Variants in RNF157 observed in about 807,000 individuals in gnomAD.
RNF157 encodes ring finger protein 157.
In RNF157, 55 loss-of-function variants were observed where a neutral mutation model predicts 88.3. The observed-to-expected ratio is 0.62, with a 90% CI of 0.50 to 0.78. The LOEUF (loss-of-function observed/expected upper bound fraction) is 0.78. Among genes scored for constraint, RNF157 ranks in the 30% least tolerant of loss-of-function variants. The pLI, the probability that RNF157 is intolerant of heterozygous loss-of-function variation, is 0.00. For synonymous variants in RNF157, 334 were observed against 341.2 expected, an observed-to-expected ratio of 0.98 and a Z score of 0.23; for missense variants, 788 against 860.8, an observed-to-expected ratio of 0.92 and a Z score of 1.06.
chr17:76,166,892 G>A, intron 5 of RNF157, 117 bp downstream of exon 5: 1 of 687,936 alleles, frequency 1.5e-6, no homozygotes, highest in East Asian at 2.5e-5. Context: ...TCACAAGGCT[G>A]AAAGGTAAGC....
At chr17:76,180,134 T>A (rs1450866000) in intron 2 of RNF157, among the ~76,000 whole-genome samples, 1 of 152,188 alleles carries the variant, frequency 6.6e-6, no homozygotes, top group Non-Finnish European at 1.5e-5. Flanking sequence ...TACCTCAAGC[T>A]CAGTATGGAT....
rs2068842602 is a variant in RNF157 at position 76,161,448 on chromosome 17, G to A, written c.1065+87C>T. 3.9e-6 allele frequency: 4 copies of A among 1,019,004 alleles called. No individual in the cohort carries two copies. Among genetic ancestry groups the A allele is most frequent in the Non-Finnish European group, 6.2e-6 (4 of 645,460 alleles). The allele number at this position is 1,019,004 out of a possible 1,614,324, so 63.1% of individuals were successfully genotyped here. On this transcript the variant is annotated intron_variant, in intron 11 of 18. Coordinates refer to ENST00000269391, the MANE Select transcript of RNF157 (RefSeq NM_052916.3). This position sits in a 1 kb window ranked among gnomAD's most constrained non-coding sequence, Gnocchi z 4.6. ...GCATGCCCTGGTCTAATTCCTTGCT[G>A]CAATGCCACGTAGAGAAGCATGAAA... is the stretch of plus-strand genomic sequence containing the variant.
intron 1 of RNF157, among the ~76,000 whole-genome samples, chr17:76,218,858 C>T (rs1305601629): frequency 1.3e-5 from 2 of 151,842 alleles, no homozygotes; most frequent in East Asian, 3.9e-4. Context: ...CACTTGAACC[C>T]GGGAAGTGGA....
Position 76,155,683 on chromosome 17 carries a change from T to C in RNF157, c.1577A>G (p.Gln526Arg), listed in dbSNP as rs1284600344. 1 of 1,611,656 alleles carries C rather than the reference T, an allele frequency of 6.2e-7. No individual in the cohort carries two copies. The highest frequency in any genetic ancestry group is 8.5e-7 in the Non-Finnish European group (1 of 1,178,960). Residue 526 changes from glutamine (Q) to arginine (R), a missense_variant, in exon 15 of 19, where the codon CAG (glutamine) becomes CGG (arginine). Transcript: ENST00000269391. ...AQSVMSMASS[Q>R]ISTDTVSSMS... is the part of the protein sequence containing the mutation. ...GGAGGAGACGGTGTCAGTGCTGATC[T>C]GGGAGGATGCCATGGACATGACAGA...
intron 1 of RNF157, among the ~76,000 whole-genome samples, chr17:76,223,238 A>G (rs1326550971): frequency 1.4e-5 from 2 of 139,762 alleles, no homozygotes; most frequent in Non-Finnish European, 3.0e-5. Flanking sequence ...CCCAGGCTGG[A>G]GTGCAGTAGT....
chr17:76,219,917 T>C (rs1368020485), intron 1 of RNF157, among the ~76,000 whole-genome samples: 1 of 152,138 alleles, frequency 6.6e-6, no homozygotes, highest in African/African-American at 2.4e-5. Flanking sequence ...ACCTAGCGTA[T>C]TGAGAATCAG....
chr17:76,228,280 A>G (rs1443884685), intron 1 of RNF157, among the ~76,000 whole-genome samples: 1 of 152,122 alleles, frequency 6.6e-6, no homozygotes, highest in Non-Finnish European at 1.5e-5. Flanking sequence ...CCCTTCCCAC[A>G]TTCTCAAGTC....
At position 76,182,501 on chromosome 17, in the gene RNF157, A is replaced by AT. The variant is rs138224301; in HGVS notation, c.208-8712dup. 1.4e-3 allele frequency among the ~76,000 whole-genome samples: 200 copies of AT among 141,668 alleles called. 1 individual carries two copies. Among genetic ancestry groups the AT allele is most frequent in the Middle Eastern group, 7.3e-3 (2 of 274 alleles). 92.9% of individuals were successfully genotyped at this position (141,668 alleles called of 152,430 possible). A position where few individuals can be genotyped will look rare whatever the true frequency, so the allele number is the denominator to read the frequency against. On this transcript the variant is annotated intron_variant, in intron 2 of 18. Coordinates refer to ENST00000269391, the MANE Select transcript of RNF157 (RefSeq NM_052916.3). ...TGTGTGTATCAATCACATGTCCTAG[A>AT]TTTTTTTTTTTACCATTCTGATTTC...
At chr17:76,183,084 G>A (rs1002438421) in intron 2 of RNF157, among the ~76,000 whole-genome samples, 2 of 151,298 alleles carry the variant, frequency 1.3e-5, no homozygotes, top group African/African-American at 4.9e-5. Flanking sequence ...ACAGGCGTCT[G>A]CCACCATGCC....
intron 3 of RNF157, among the ~76,000 whole-genome samples, chr17:76,173,015 G>C (rs139399256): frequency 1.6e-4 from 24 of 152,120 alleles, no homozygotes; most frequent in Non-Finnish European, 2.9e-4. Context: ...GGCTGGGCGC[G>C]GTGGCTCACG....
At chr17:76,149,691 G>C (rs986489844) in intron 18 of RNF157, among the ~76,000 whole-genome samples, 4 of 152,126 alleles carry the variant, frequency 2.6e-5, no homozygotes, top group African/African-American at 9.7e-5. Context: ...GGCAACCAGA[G>C]GTTTTGAGAC....
In RNF157 at chr17:76,234,657, A is replaced by G. The variant is rs1224720809; in HGVS notation, c.88+5496T>C. Among the ~76,000 whole-genome samples the G allele has an allele frequency of 2.0e-5, 3 of 152,186 alleles. No individual in the cohort carries two copies. In the East Asian group the frequency reaches 5.8e-4, roughly 29 times the overall value. ...TCTTCAAGTGCTTATTGTCCACTGT[A>G]TATCTTTTTTGGAGAAATGTCTATT... On this transcript the variant is annotated intron_variant, in intron 1 of 18. Coordinates refer to ENST00000269391, the MANE Select transcript of RNF157 (RefSeq NM_052916.3).
At chr17:76,174,996 A>C (rs902239019) in intron 2 of RNF157, among the ~76,000 whole-genome samples, 1 of 152,226 alleles carries the variant, frequency 6.6e-6, no homozygotes, top group African/African-American at 2.4e-5. Context: ...CTTGAAAAAC[A>C]CAAAAAAGTA....
At position 76,160,447 on chromosome 17, in the gene RNF157, G is replaced by A. The variant is rs866878478; in HGVS notation, c.1066-874C>T. ...GAAGACCTATTCTGACTGCTTCCCC[G>A]AAAGCAGGGAGAATCGCTAAAAAGA... On this transcript the variant is annotated intron_variant, in intron 11 of 18. Transcript: ENST00000269391. The surrounding 1 kb of genome is among the most constrained non-coding windows in gnomAD (Gnocchi z 4.3). 9.2e-5 allele frequency among the ~76,000 whole-genome samples: 14 copies of A among 151,794 alleles called. No homozygotes were observed. Among genetic ancestry groups the A allele is most frequent in the Admixed American group, 4.6e-4 (7 of 15,238 alleles).
intron 2 of RNF157, among the ~76,000 whole-genome samples, chr17:76,210,573 G>A (rs1274717153): frequency 1.1e-5 from 1 of 93,682 alleles, no homozygotes; most frequent in Non-Finnish European, 1.9e-5. Context: ...CTGGGCGACA[G>A]AGCCAGACTC....
Position 76,161,952 on chromosome 17 carries a change from G to A in RNF157, c.843C>T (p.Leu281=). Residue 281 remains leucine, a synonymous_variant, in exon 10 of 19, where the codon CTC becomes CTT. Transcript: ENST00000269391. This position sits in a 1 kb window ranked among gnomAD's most constrained non-coding sequence, Gnocchi z 4.6. ...SDNSAECVVC[L]SDVRDTLILP... ...GAATCAAGGTGTCCCGGACATCCGA[G>A]AGACACACCACACACTCGGCACTGT... is the stretch of plus-strand genomic sequence containing the variant. The A allele has an allele frequency of 6.2e-7, 1 of 1,614,230 alleles. No individual in the cohort carries two copies. Among genetic ancestry groups the A allele is most frequent in the East Asian group, 2.2e-5 (1 of 44,884 alleles).
In RNF157 at chr17:76,145,141, C is replaced by A. The variant is rs967020752; in HGVS notation, c.*94G>T. 26 of 778,738 alleles carry A rather than the reference C, an allele frequency of 3.3e-5. No homozygotes were observed. Among genetic ancestry groups the A allele is most frequent in the African/African-American group, 3.1e-4 (18 of 57,950 alleles). 48.2% of individuals were successfully genotyped at this position (778,738 alleles called of 1,614,324 possible). ...GCTGTCACAGGAGGGTAAAAAGTCTCCAGCATCTTGCTGAGGATGCCCAGT... is the reference window on the plus strand; with the variant it reads ...GCTGTCACAGGAGGGTAAAAAGTCTACAGCATCTTGCTGAGGATGCCCAGT... On this transcript the variant is annotated 3_prime_UTR_variant, in exon 19 of 19. Transcript: ENST00000269391.
intron 18 of RNF157, among the ~76,000 whole-genome samples, chr17:76,149,898 G>GT (rs1476921836): frequency 1.3e-5 from 2 of 152,062 alleles, no homozygotes; most frequent in East Asian, 3.9e-4. Context: ...GCCGGGCGTG[G>GT]TGGCGGGCGC....
chr17:76,210,207 T>C (rs1446835922), intron 2 of RNF157, among the ~76,000 whole-genome samples: 1 of 152,160 alleles, frequency 6.6e-6, no homozygotes, highest in African/African-American at 2.4e-5. Context: ...TAAGTATTAC[T>C]TGACATAACT....
Sources: allele counts gnomAD v4.1 joint callset (sites outside exome capture counted in the v4.1 genomes callset), GRCh38; gene constraint gnomAD v4.1.1; non-coding constraint Gnocchi (gnomAD v3.1); transcripts MANE v1.5; gene names NCBI Gene and HGNC (gene_info 2026-07-23, HGNC 2026-07-21).